The following SLC5A4 variants were observed in gnomAD, a reference collection of about 807,000 sequenced individuals.
SLC5A4 encodes solute carrier family 5 member 4.
A neutral mutation model predicts 70.3 loss-of-function variants in SLC5A4; 55 were observed. The ratio of observed to expected loss-of-function variants is 0.78; its 90% CI spans 0.63 to 0.98. SLC5A4 has a LOEUF of 0.98. SLC5A4 is among the 50% of genes least tolerant of loss of function. SLC5A4 has a pLI of 0.00. For missense variants in SLC5A4, 735 were observed against 839.2 expected, an observed-to-expected ratio of 0.88 and a Z score of 1.53; for synonymous variants, 268 against 305.7, an observed-to-expected ratio of 0.88 and a Z score of 1.29.
the SLC5A4 span, among the ~76,000 whole-genome samples, chr22:32,325,305 A>G: frequency 1.4e-3 from 210 of 152,322 alleles, 2 homozygotes; most frequent in African/African-American, 4.7e-3. Context: ...CCAAAACAAG[A>G]GCAGCAGACC....
chr22:32,232,297 T>C (rs1245734543), intron 9 of SLC5A4, among the ~76,000 whole-genome samples: 1 of 152,236 alleles, frequency 6.6e-6, no homozygotes, highest in Non-Finnish European at 1.5e-5. Flanking sequence ...TTCAGTGTTG[T>C]CTGAGGGATT....
At chr22:32,234,771 C>T in intron 8 of SLC5A4, 102 bp downstream of exon 8, 1 of 898,032 alleles carries the variant, frequency 1.1e-6, no homozygotes, top group Non-Finnish European at 1.8e-6. Flanking sequence ...AAAATGGAAA[C>T]TAAATGTTTT....
At chr22:32,255,462 C>T, upstream of SLC5A4, 1 of 952,782 alleles carries the variant, frequency 1.0e-6, no homozygotes, top group Non-Finnish European at 1.6e-6. Context: ...TAAACCTCTT[C>T]TCCAAAGCTG....
intron 8 of SLC5A4, 50 bp from the exon 9 acceptor site, chr22:32,233,084 A>G (rs1394045689): frequency 6.3e-7 from 1 of 1,583,286 alleles, no homozygotes; most frequent in Non-Finnish European, 8.6e-7. Flanking sequence ...GGATGATTTC[A>G]AAGGCAGTCA....
the SLC5A4 span, among the ~76,000 whole-genome samples, chr22:32,281,021 C>T: frequency 1.3e-5 from 2 of 152,156 alleles, no homozygotes; most frequent in African/African-American, 4.8e-5. Flanking sequence ...TTTGGCTGAG[C>T]CACCCAGAAG....
At chr22:32,242,505 C>T (rs920543672) in intron 5 of SLC5A4, among the ~76,000 whole-genome samples, 3 of 152,080 alleles carry the variant, frequency 2.0e-5, no homozygotes, top group East Asian at 1.9e-4. Flanking sequence ...ATCAGGAGTT[C>T]GAGACCAGCC....
the SLC5A4 span, among the ~76,000 whole-genome samples, chr22:32,292,327 TG>T: frequency 1.4e-5 from 2 of 142,930 alleles, no homozygotes; most frequent in Admixed American, 7.6e-5. Flanking sequence ...CTAATATATA[TG>T]GTATATGGAA....
At chr22:32,305,273 G>A in the SLC5A4 span, among the ~76,000 whole-genome samples, 1 of 151,950 alleles carries the variant, frequency 6.6e-6, no homozygotes, top group African/African-American at 2.4e-5. Flanking sequence ...AGCAAGTGTG[G>A]CTGTGTGAAG....
chr22:32,300,262 T>C, the SLC5A4 span, among the ~76,000 whole-genome samples: 3 of 144,502 alleles, frequency 2.1e-5, no homozygotes, highest in Non-Finnish European at 3.0e-5. Context: ...GCCTCGCTGC[T>C]GCCTTGCAGT....
chr22:32,354,325 A>G, the SLC5A4 span, among the ~76,000 whole-genome samples: 1 of 150,646 alleles, frequency 6.6e-6, no homozygotes, highest in Non-Finnish European at 1.5e-5. Flanking sequence ...GCACCCTGTA[A>G]TGAGCCTAAC....
the SLC5A4 span, among the ~76,000 whole-genome samples, chr22:32,345,573 G>C: frequency 6.6e-6 from 1 of 151,876 alleles, no homozygotes; most frequent in African/African-American, 2.4e-5. Flanking sequence ...TAAGTAATGA[G>C]GGACATGAAA....
chr22:32,269,296 C>G, the SLC5A4 span: 1 of 276,744 alleles, frequency 3.6e-6, no homozygotes, highest in African/African-American at 2.2e-5. This position sits in a 1 kb window ranked among gnomAD's most constrained non-coding sequence, Gnocchi z 4.1. Context: ...CATAACTTCT[C>G]AAGCTTGTTT....
At chr22:32,271,230 C>A in the SLC5A4 span, 3 of 791,262 alleles carry the variant, frequency 3.8e-6, no homozygotes, top group Non-Finnish European at 6.5e-6. Context: ...TGGTGAAGAA[C>A]TTCCCTGTGG....
chr22:32,334,670 C>T, the SLC5A4 span, among the ~76,000 whole-genome samples: 1 of 152,180 alleles, frequency 6.6e-6, no homozygotes, highest in Non-Finnish European at 1.5e-5. Context: ...ACTGGAGTCC[C>T]GAAGCTCCCT....
chr22:32,250,910 A>T (rs984647403), intron 3 of SLC5A4, among the ~76,000 whole-genome samples: 20 of 151,966 alleles, frequency 1.3e-4, no homozygotes, highest in Non-Finnish European at 2.8e-4. Flanking sequence ...GAACAATGAG[A>T]ACACATGGAC....
chr22:32,218,789 T>C, intron 14 of SLC5A4, 64 bp from the exon 15 acceptor site: 1 of 1,229,580 alleles, frequency 8.1e-7, no homozygotes, highest in Non-Finnish European at 1.2e-6. Context: ...GAAATCCTTG[T>C]CAGTGTAGTA....
At chr22:32,316,976 ACCTT>A in the SLC5A4 span, among the ~76,000 whole-genome samples, 1 of 133,034 alleles carries the variant, frequency 7.5e-6, no homozygotes, top group Non-Finnish European at 1.6e-5. Context: ...AACACAGTCT[ACCTT>A]CATTCTATTC....
At chr22:32,267,697 T>C in the SLC5A4 span, among the ~76,000 whole-genome samples, 1 of 152,210 alleles carries the variant, frequency 6.6e-6, no homozygotes, top group African/African-American at 2.4e-5. Flanking sequence ...CTCATTACAT[T>C]TTCCAAATCC....
intron 7 of SLC5A4, among the ~76,000 whole-genome samples, chr22:32,235,873 T>A (rs191846052): frequency 1.1e-4 from 16 of 152,322 alleles, no homozygotes; most frequent in African/African-American, 3.8e-4. Context: ...CGCCAAACAC[T>A]GCTAGGATCA....
Sources: allele counts gnomAD v4.1 joint callset (sites outside exome capture counted in the v4.1 genomes callset), GRCh38; gene constraint gnomAD v4.1.1; non-coding constraint Gnocchi (gnomAD v3.1); transcripts MANE v1.5; gene names NCBI Gene and HGNC (gene_info 2026-07-23, HGNC 2026-07-21).